The following ARHGAP15 variants were observed in gnomAD, a reference collection of about 807,000 sequenced individuals.
The protein encoded by ARHGAP15 is Rho GTPase activating protein 15, also known as rho GTPase-activating protein 15.
ARHGAP15 carries 51 observed loss-of-function variants against 63.7 expected under a neutral mutation model. The ratio of observed to expected loss-of-function variants is 0.80; its 90% CI spans 0.64 to 1.01. The LOEUF (loss-of-function observed/expected upper bound fraction) is 1.01, where lower values mean the gene tolerates loss of function less well. ARHGAP15 is among the 50% of genes least tolerant of loss of function. ARHGAP15 has a pLI of 0.00. For missense variants in ARHGAP15, 560 were observed against 564.6 expected (o/e 0.99, Z 0.08); for synonymous variants, 191 against 193.8 (o/e 0.99, Z 0.12).
At position 143,768,279 on chromosome 2, in the gene ARHGAP15, T is replaced by C. The variant is rs1407074946; in HGVS notation, c.*107T>C. The C allele has an allele frequency of 1.8e-5, 19 of 1,035,620 alleles. No individual in the cohort carries two copies. Among genetic ancestry groups the C allele is most frequent in the Non-Finnish European group, 2.2e-5 (16 of 722,566 alleles). The allele number at this position is 1,035,620 out of a possible 1,614,324, so 64.2% of individuals were successfully genotyped here. A position where few individuals can be genotyped will look rare whatever the true frequency, so the allele number is the denominator to read the frequency against. On this transcript the variant is annotated 3_prime_UTR_variant, in exon 14 of 14. Transcript: ENST00000295095. The stretch of plus-strand genomic sequence containing the variant: ...TATTTTTTGCCTTTCAAGCGACAGA[T>C]GCCTCATTTTGTGAAAACTTAATGA...
intron 6 of ARHGAP15, among the ~76,000 whole-genome samples, chr2:143,362,273 G>A (rs1202474335): frequency 6.6e-6 from 1 of 152,240 alleles, no homozygotes; most frequent in Middle Eastern, 3.4e-3. Flanking sequence ...AGGTTCAGGG[G>A]CCAGGTTATA....
intron 5 of ARHGAP15, among the ~76,000 whole-genome samples, chr2:143,238,660 A>C (rs1693747580): frequency 6.6e-6 from 1 of 152,202 alleles, no homozygotes; most frequent in Non-Finnish European, 1.5e-5. Context: ...CTAGAGTCAG[A>C]AATATTATTT....
chr2:143,521,141 C>T (rs1036907395), intron 10 of ARHGAP15, among the ~76,000 whole-genome samples: 7 of 152,202 alleles, frequency 4.6e-5, no homozygotes, highest in Non-Finnish European at 8.8e-5. Flanking sequence ...ACTAAACAGG[C>T]GCTAATCACA....
At chr2:143,276,861 A>G (rs1487027762) in intron 6 of ARHGAP15, among the ~76,000 whole-genome samples, 2 of 152,198 alleles carry the variant, frequency 1.3e-5, no homozygotes, top group South Asian at 2.1e-4. Flanking sequence ...GATGCTTAAT[A>G]GTATGTTTAT....
In ARHGAP15 at chr2:143,153,855, CTCCTCCTCCTCCTCCTCT is replaced by C. The variant is rs1689963858; in HGVS notation, c.-14-1604_-14-1587del. Among the ~76,000 whole-genome samples the C allele has an allele frequency of 5.2e-5, 4 of 77,002 alleles. No homozygotes were observed. In the East Asian group the frequency reaches 9.3e-4, roughly 18 times the overall value. 50.5% of individuals were successfully genotyped at this position (77,002 alleles called of 152,430 possible). On this transcript the variant is annotated intron_variant, in intron 1 of 13. Transcript: ENST00000295095. ...CTTCTTCTTCTTCTTCCTCCTCCTC[CTCCTCCTCCTCCTCCTCT>C]TCCTCCTCCTCCTCCTCCTCCTCCT...
intron 5 of ARHGAP15, among the ~76,000 whole-genome samples, chr2:143,244,589 G>A (rs1417735872): frequency 1.3e-5 from 2 of 152,166 alleles, no homozygotes; most frequent in African/African-American, 2.4e-5. Context: ...CGGATGTAGC[G>A]TAGCTGGTGT....
intron 6 of ARHGAP15, among the ~76,000 whole-genome samples, chr2:143,308,253 G>A (rs1345498389): frequency 6.6e-6 from 1 of 151,962 alleles, no homozygotes; most frequent in Non-Finnish European, 1.5e-5. Flanking sequence ...CTGTCTTAGA[G>A]TTTCATCTCA....
intron 2 of ARHGAP15, among the ~76,000 whole-genome samples, 155 bp from the exon 3 acceptor site, chr2:143,201,979 T>A (rs1457900983): frequency 1.3e-5 from 2 of 152,148 alleles, no homozygotes; most frequent in Non-Finnish European, 2.9e-5. Context: ...ACGTATTTTA[T>A]TTAAATTAGT....
At chr2:143,500,485 TTA>T (rs1348667703) in intron 9 of ARHGAP15, among the ~76,000 whole-genome samples, 11 of 152,116 alleles carry the variant, frequency 7.2e-5, no homozygotes, top group African/African-American at 2.7e-4. Flanking sequence ...AATAAGAGAT[TTA>T]GATATATTTG....
chr2:143,196,667 A>G (rs1353632368), intron 2 of ARHGAP15, among the ~76,000 whole-genome samples: 1 of 152,012 alleles, frequency 6.6e-6, no homozygotes, highest in Non-Finnish European at 1.5e-5. Flanking sequence ...GAATTTTAGC[A>G]TGATATTGAA....
chr2:143,730,169 A>G (rs184240609), intron 13 of ARHGAP15, among the ~76,000 whole-genome samples: 48 of 152,350 alleles, frequency 3.2e-4, no homozygotes, highest in Admixed American at 2.8e-3. Context: ...CTGGGCATAT[A>G]CTAGAGTAGA....
At chr2:143,648,542 C>T (rs1362848173) in intron 12 of ARHGAP15, among the ~76,000 whole-genome samples, 1 of 151,966 alleles carries the variant, frequency 6.6e-6, no homozygotes, top group East Asian at 1.9e-4. Flanking sequence ...CTTGACTGTT[C>T]ATGTCTACTA....
In ARHGAP15 at chr2:143,327,315, T is replaced by C. The variant is rs148379314; in HGVS notation, c.474+76715T>C. Among the ~76,000 whole-genome samples the C allele has an allele frequency of 3.7e-3, 568 of 152,334 alleles. 6 individuals are homozygous for C. The highest frequency in any genetic ancestry group is 0.013 in the African/African-American group (523 of 41,566). On this transcript the variant is annotated intron_variant, in intron 6 of 13. Transcript: ENST00000295095. ...AGAATCAATATCGTGAAAATTGCTG[T>C]ACGGCCCAAAGTAATTTATGGATTC...
chr2:143,150,102 A>AG (rs1336289239), intron 1 of ARHGAP15, among the ~76,000 whole-genome samples: 1 of 151,974 alleles, frequency 6.6e-6, no homozygotes, highest in Non-Finnish European at 1.5e-5. Context: ...ATGTGACACC[A>AG]GGGGATGGTG....
At chr2:143,543,234 A>C (rs1372008067) in intron 10 of ARHGAP15, among the ~76,000 whole-genome samples, 2 of 152,104 alleles carry the variant, frequency 1.3e-5, no homozygotes, top group Non-Finnish European at 2.9e-5. Context: ...AATAATAGCC[A>C]TTCTATCAGA....
intron 10 of ARHGAP15, among the ~76,000 whole-genome samples, chr2:143,527,008 T>C (rs1694308387): frequency 6.6e-6 from 1 of 152,146 alleles, no homozygotes; most frequent in East Asian, 1.9e-4. Context: ...AAATTAATGA[T>C]AATTAAGAAA....
At chr2:143,222,903 T>G (rs1693054264) in intron 4 of ARHGAP15, among the ~76,000 whole-genome samples, 1 of 152,204 alleles carries the variant, frequency 6.6e-6, no homozygotes, top group East Asian at 1.9e-4. Context: ...CCAATTGTAG[T>G]TAGCACCCCT....
At chr2:143,537,206 C>T in intron 10 of ARHGAP15, among the ~76,000 whole-genome samples, 1 of 152,040 alleles carries the variant, frequency 6.6e-6, no homozygotes, top group Non-Finnish European at 1.5e-5. Context: ...ATATCCTTTG[C>T]CCACTTTTTG....
At chr2:143,317,342 AAT>A (rs1187548250) in intron 6 of ARHGAP15, among the ~76,000 whole-genome samples, 3 of 152,196 alleles carry the variant, frequency 2.0e-5, no homozygotes, top group African/African-American at 4.8e-5. Context: ...TTGAACACCT[AAT>A]ATATGTCACT....
Sources: allele counts gnomAD v4.1 joint callset (sites outside exome capture counted in the v4.1 genomes callset), GRCh38; gene constraint gnomAD v4.1.1; transcripts MANE v1.5; gene names NCBI Gene and HGNC (gene_info 2026-07-23, HGNC 2026-07-21).